RABGAP1L: variants seen among roughly 807,000 people sequenced by gnomAD.
RABGAP1L encodes the protein RAB GTPase activating protein 1 like.
In RABGAP1L, 63 loss-of-function variants were observed where a neutral mutation model predicts 137.7. The ratio of observed to expected loss-of-function variants is 0.46; its 90% CI spans 0.37 to 0.56. The LOEUF (loss-of-function observed/expected upper bound fraction) is 0.56, where lower values mean the gene tolerates loss of function less well. Ranked by LOEUF, RABGAP1L falls within the 20% of genes least tolerant of loss-of-function variation. The probability of loss-of-function intolerance (pLI) is 0.00; values close to 1 mark genes in which losing one functional copy is unlikely to be tolerated. For missense variants in RABGAP1L, 1,095 were observed against 1,244.0 expected (o/e 0.88, Z 1.80); for synonymous variants, 431 against 433.7 (o/e 0.99, Z 0.08).
At chr1:174,569,293 T>C (rs1667810641) in intron 13 of RABGAP1L, among the ~76,000 whole-genome samples, 3 of 152,140 alleles carry the variant, frequency 2.0e-5, no homozygotes, top group African/African-American at 7.2e-5. Flanking sequence ...ACTTTGAGAG[T>C]TGGCTTGTAC....
chr1:174,722,218 G>A (rs530025166), intron 17 of RABGAP1L, among the ~76,000 whole-genome samples: 43 of 152,210 alleles, frequency 2.8e-4, no homozygotes, highest in South Asian at 1.0e-3. Context: ...GTGAGCCACC[G>A]CGCCTGGCCG....
chr1:174,824,646 A>T (rs767633703), intron 19 of RABGAP1L, among the ~76,000 whole-genome samples: 58 of 152,122 alleles, frequency 3.8e-4, no homozygotes, highest in Non-Finnish European at 7.1e-4. Context: ...GGGGAATATA[A>T]AATATAATTA....
intron 12 of RABGAP1L, among the ~76,000 whole-genome samples, chr1:174,390,549 GTATT>G (rs1405190763): frequency 9.9e-5 from 15 of 152,176 alleles, no homozygotes; most frequent in African/African-American, 2.9e-4. Context: ...GGCCAACCGA[GTATT>G]TAATCAAGCT....
In RABGAP1L at chr1:174,991,736, G is replaced by T; in HGVS notation, c.*1735G>T. The stretch of plus-strand genomic sequence containing the variant: ...ACCCAGCATTCCAAGTGTCTGTGTT[G>T]GCTTTAACATTCTCTACATGGTGGT... On this transcript the variant is annotated 3_prime_UTR_variant, in exon 26 of 26. Coordinates refer to ENST00000681986, the MANE Select transcript of RABGAP1L (RefSeq NM_001366446.1). The T allele has an allele frequency of 6.7e-6, 1 of 149,130 alleles. No homozygotes were observed. 9.2% of individuals were successfully genotyped at this position (149,130 alleles called of 1,614,324 possible).
chr1:174,843,562 A>T (rs1424067178), intron 19 of RABGAP1L, among the ~76,000 whole-genome samples: 1 of 130,112 alleles, frequency 7.7e-6, no homozygotes, highest in African/African-American at 2.9e-5. Flanking sequence ...TGAACTCATC[A>T]TTTTTTATGG....
chr1:174,467,773 C>T (rs1571939449), intron 13 of RABGAP1L, among the ~76,000 whole-genome samples: 1 of 152,066 alleles, frequency 6.6e-6, no homozygotes, highest in East Asian at 1.9e-4. Flanking sequence ...AAACCATATC[C>T]TTTCTACCTA....
chr1:174,784,445 A>G (rs984988456), intron 18 of RABGAP1L, among the ~76,000 whole-genome samples: 1 of 151,914 alleles, frequency 6.6e-6, no homozygotes, highest in African/African-American at 2.4e-5. Flanking sequence ...TCTTTCTTTT[A>G]TATGACCAGT....
chr1:174,737,192 G>T (rs976781586), intron 17 of RABGAP1L, among the ~76,000 whole-genome samples: 1 of 151,994 alleles, frequency 6.6e-6, no homozygotes, highest in Admixed American at 6.6e-5. Flanking sequence ...TTAAATATAG[G>T]TTCCAGTTTT....
rs149627169 is a variant in RABGAP1L at position 174,348,292 on chromosome 1, C to T, written c.1466-22687C>T. Among the ~76,000 whole-genome samples the T allele has an allele frequency of 9.5e-3, 1,366 of 143,926 alleles. 27 individuals carry two copies. Among genetic ancestry groups the T allele is most frequent in the African/African-American group, 0.033 (1,303 of 39,480 alleles). 94.4% of individuals were successfully genotyped at this position (143,926 alleles called of 152,430 possible). On this transcript the variant is annotated intron_variant, in intron 11 of 25. Transcript: ENST00000681986. ...ACTATTAGGTTGGTGCAAAAGTAAT[C>T]GCAGTTTTTGCCATTACTTTCAATA...
chr1:174,429,085 T>C (rs999826725), intron 13 of RABGAP1L, among the ~76,000 whole-genome samples: 1 of 152,164 alleles, frequency 6.6e-6, no homozygotes, highest in African/African-American at 2.4e-5. Context: ...TTTTAAAAAC[T>C]AGGACAATTA....
chr1:174,909,516 T>G (rs2149190302), intron 19 of RABGAP1L, among the ~76,000 whole-genome samples: 1 of 152,322 alleles, frequency 6.6e-6, no homozygotes, highest in East Asian at 1.9e-4. Flanking sequence ...CATGAGCCAC[T>G]GTGCCCATCC....
intron 10 of RABGAP1L, among the ~76,000 whole-genome samples, chr1:174,286,769 A>G (rs1202168321): frequency 6.6e-6 from 1 of 151,980 alleles, no homozygotes; most frequent in African/African-American, 2.4e-5. Context: ...GTTTTGTCTT[A>G]GATGTATTTT....
At chr1:174,360,461 T>C (rs928964954) in intron 11 of RABGAP1L, among the ~76,000 whole-genome samples, 1 of 152,204 alleles carries the variant, frequency 6.6e-6, no homozygotes, top group African/African-American at 2.4e-5. Context: ...ATAAAAGTTA[T>C]GTTATTTATG....
chr1:174,164,721 T>C (rs942820418), intron 1 of RABGAP1L, among the ~76,000 whole-genome samples: 4 of 152,246 alleles, frequency 2.6e-5, no homozygotes, highest in Non-Finnish European at 4.4e-5. Flanking sequence ...CACATTGATA[T>C]ATTCTGTTAT....
chr1:174,709,754 A>G (rs1039269973), intron 17 of RABGAP1L, among the ~76,000 whole-genome samples: 1 of 152,182 alleles, frequency 6.6e-6, no homozygotes, highest in African/African-American at 2.4e-5. Context: ...AATTCCAAAA[A>G]CCAGAATGCC....
rs1045475790 is a variant in RABGAP1L, at chr1:174,798,397, C to T, written c.2212-13435C>T. 4.0e-5 allele frequency among the ~76,000 whole-genome samples: 6 copies of T among 150,476 alleles called. No individual in the cohort carries two copies. In the East Asian group the frequency reaches 5.8e-4, roughly 15 times the overall value. The stretch of plus-strand genomic sequence containing the variant: ...CAGCCTGGGTGACAGAGCGACAATC[C>T]GTTTCAAACAAAAAAAAAAAGAAAT... On this transcript the variant is annotated intron_variant, in intron 18 of 25. Transcript: ENST00000681986.
rs527793247 is a variant in RABGAP1L at position 174,796,635 on chromosome 1, C to A, written c.2212-15197C>A. Among the ~76,000 whole-genome samples the A allele has an allele frequency of 2.6e-5, 4 of 152,228 alleles. No homozygotes were observed. The East Asian group carries it at 7.7e-4, about 29-fold the overall frequency. On this transcript the variant is annotated intron_variant, in intron 18 of 25. Transcript: ENST00000681986. ...TTGATGGGGAAACTGAAGTACATGA[C>A]CACTTGTTGTAGTGCCTTGTACACA...
intron 13 of RABGAP1L, among the ~76,000 whole-genome samples, chr1:174,479,181 C>T (rs530662451): frequency 2.0e-5 from 3 of 152,216 alleles, no homozygotes; most frequent in Non-Finnish European, 4.4e-5. Context: ...TGAGGTCCTG[C>T]ATTTCTAACA....
chr1:174,614,660 T>C (rs1358170051), intron 13 of RABGAP1L, among the ~76,000 whole-genome samples: 1 of 152,216 alleles, frequency 6.6e-6, no homozygotes, highest in African/African-American at 2.4e-5. Flanking sequence ...CTGAATAACA[T>C]CCTGCAGAGT....
Sources: allele counts gnomAD v4.1 joint callset (sites outside exome capture counted in the v4.1 genomes callset), GRCh38; gene constraint gnomAD v4.1.1; transcripts MANE v1.5; gene names NCBI Gene and HGNC (gene_info 2026-07-23, HGNC 2026-07-21).